MMP16: variants seen among roughly 807,000 people sequenced by gnomAD.
The protein encoded by MMP16 is matrix metallopeptidase 16, also known as matrix metalloproteinase-16.
MMP16 carries 12 observed loss-of-function variants against 67.8 expected under a neutral mutation model. That is an observed-to-expected ratio of 0.18 (90% CI 0.11 to 0.29). The LOEUF (loss-of-function observed/expected upper bound fraction) is 0.29, where lower values mean the gene tolerates loss of function less well. MMP16 is among the 10% of genes least tolerant of loss of function. The pLI, the probability that MMP16 is intolerant of heterozygous loss-of-function variation, is 1.00. For missense variants in MMP16, 475 were observed against 765.7 expected (o/e 0.62, Z 4.48); for synonymous variants, 249 against 255.9 (o/e 0.97, Z 0.26).
In MMP16 at chr8:88,037,994, AC is replaced by A. The variant is rs1808077227; in HGVS notation, c.*3466del. On this transcript the variant is annotated 3_prime_UTR_variant, in exon 10 of 10. Coordinates refer to ENST00000286614, the MANE Select transcript of MMP16 (RefSeq NM_005941.5). ...TTTTATGCCTTGCATATCTCTAGTA[AC>A]ACTGAACTGACACCTTATGTTATTG... 1 of 151,986 alleles carries A rather than the reference AC, an allele frequency of 6.6e-6. No homozygotes were observed. The highest frequency in any genetic ancestry group is 2.4e-5 in the African/African-American group (1 of 41,432). 9.4% of individuals were successfully genotyped at this position (151,986 alleles called of 1,614,324 possible).
chr8:88,069,470 A>T (rs74832191), intron 7 of MMP16: 1 of 531,466 alleles, frequency 1.9e-6, no homozygotes. Flanking sequence ...TCCATTTCCA[A>T]TGGTATTTGT....
At chr8:88,198,177 C>T (rs1012973139) in intron 1 of MMP16, among the ~76,000 whole-genome samples, 22 of 152,096 alleles carry the variant, frequency 1.4e-4, no homozygotes, top group Admixed American at 9.2e-4. Context: ...TGGAAAAAAA[C>T]ATATATCTCC....
At chr8:88,047,248 C>T (rs1808211009) in intron 8 of MMP16, among the ~76,000 whole-genome samples, 1 of 152,066 alleles carries the variant, frequency 6.6e-6, no homozygotes, top group African/African-American at 2.4e-5. Flanking sequence ...TCATTCGGTA[C>T]ATATTTAGTG....
chr8:88,054,997 C>T (rs1295053005), intron 8 of MMP16, among the ~76,000 whole-genome samples: 2 of 151,908 alleles, frequency 1.3e-5, no homozygotes, highest in African/African-American at 2.4e-5. Context: ...CTTAAGTCAT[C>T]CTACAAACAA....
At chr8:88,096,159 A>G (rs902309608) in intron 6 of MMP16, among the ~76,000 whole-genome samples, 6 of 151,924 alleles carry the variant, frequency 3.9e-5, no homozygotes, top group Admixed American at 3.9e-4. Context: ...ATATGATATC[A>G]ACGATGTGAG....
At chr8:88,231,821 T>A (rs1360883382) in intron 1 of MMP16, among the ~76,000 whole-genome samples, 1 of 152,206 alleles carries the variant, frequency 6.6e-6, no homozygotes, top group Non-Finnish European at 1.5e-5. Context: ...GTGACCATTT[T>A]TTAAAAAAGT....
intron 1 of MMP16, among the ~76,000 whole-genome samples, chr8:88,323,080 A>T (rs1186163011): frequency 6.6e-6 from 1 of 152,166 alleles, no homozygotes; most frequent in Non-Finnish European, 1.5e-5. Context: ...AAACTGCTAC[A>T]GTGGAGAATT....
chr8:88,180,325 C>T (rs936695391), intron 3 of MMP16, among the ~76,000 whole-genome samples: 1 of 142,628 alleles, frequency 7.0e-6, no homozygotes, highest in South Asian at 2.3e-4. Context: ...AAAAACAGCA[C>T]AGAGTAAAAA....
intron 1 of MMP16, among the ~76,000 whole-genome samples, chr8:88,299,321 A>G (rs1356374222): frequency 6.6e-6 from 1 of 152,186 alleles, no homozygotes; most frequent in African/African-American, 2.4e-5. Context: ...AAAAGGCAAA[A>G]AAAAGAAAGT....
At chr8:88,209,436 C>T (rs1375712017) in intron 1 of MMP16, among the ~76,000 whole-genome samples, 3 of 152,122 alleles carry the variant, frequency 2.0e-5, no homozygotes, top group African/African-American at 7.2e-5. Flanking sequence ...ATACCTATAA[C>T]ATGCAAATAT....
intron 1 of MMP16, among the ~76,000 whole-genome samples, chr8:88,206,322 G>C (rs754415711): frequency 6.6e-6 from 1 of 151,978 alleles, no homozygotes; most frequent in Non-Finnish European, 1.5e-5. Flanking sequence ...ATGTGGTTTC[G>C]TTATGATGAT....
chr8:88,108,235 AAC>A (rs1809275337), intron 6 of MMP16, among the ~76,000 whole-genome samples: 1 of 151,296 alleles, frequency 6.6e-6, no homozygotes, highest in African/African-American at 2.4e-5. Flanking sequence ...TCACACAATT[AAC>A]ACATAAAAAT....
Position 88,036,698 on chromosome 8 carries a change from GATATTAC to G in MMP16, c.*4756_*4762del, listed in dbSNP as rs1012668108. ...ATATGATTGACTTGACACATTTTGT[GATATTAC>G]ATATTGGCTGAGATTGCTGTAATAG... is the stretch of plus-strand genomic sequence containing the variant. On this transcript the variant is annotated 3_prime_UTR_variant, in exon 10 of 10. Coordinates refer to ENST00000286614, the MANE Select transcript of MMP16 (RefSeq NM_005941.5). 2 of 151,688 alleles carry G rather than the reference GATATTAC, an allele frequency of 1.3e-5. No individual in the cohort carries two copies. Among genetic ancestry groups the G allele is most frequent in the African/African-American group, 4.8e-5 (2 of 41,362 alleles). The allele number at this position is 151,688 out of a possible 1,614,324, so 9.4% of individuals were successfully genotyped here. A position where few individuals can be genotyped will look rare whatever the true frequency, so the allele number is the denominator to read the frequency against.
At chr8:88,324,810 C>T (rs1291727392) in intron 1 of MMP16, among the ~76,000 whole-genome samples, 1 of 151,996 alleles carries the variant, frequency 6.6e-6, no homozygotes, top group Non-Finnish European at 1.5e-5. Flanking sequence ...AACATCCCGT[C>T]ATTCTGTGTT....
In MMP16 at chr8:88,167,842, T is replaced by C. The variant is rs749353622; in HGVS notation, c.536A>G (p.Lys179Arg). The change falls in exon 4 of 10, where the codon AAA (lysine) becomes AGA (arginine). Residue 179 changes from lysine (K) to arginine (R), a missense_variant. Physicochemically the swap from Lys to Arg is conservative, Grantham distance 26. Around this residue, in one of 5 missense-constraint regions of MMP16, gnomAD observed 170 missense variants for 239.6 expected, o/e 0.71. Coordinates refer to ENST00000286614, the MANE Select transcript of MMP16 (RefSeq NM_005941.5). ...AATAATGGTTATATCCACATCACGT[T>C]TGCCATTTTCTAATTCACTGTAGGG... ...EVPYSELENG[K>R]RDVDITIIFA... 6.2e-7 allele frequency: 1 copy of C among 1,613,988 alleles called. No homozygotes were observed. Among genetic ancestry groups the C allele is most frequent in the Non-Finnish European group, 8.5e-7 (1 of 1,179,960 alleles).
At chr8:88,281,359 A>C (rs939882372) in intron 1 of MMP16, among the ~76,000 whole-genome samples, 15 of 152,220 alleles carry the variant, frequency 9.9e-5, no homozygotes, top group Non-Finnish European at 1.9e-4. Context: ...AGAGCTCCCA[A>C]GGGGAAGAAA....
chr8:88,228,325 GAATT>G (rs1358549839), intron 1 of MMP16, among the ~76,000 whole-genome samples: 2 of 151,980 alleles, frequency 1.3e-5, no homozygotes, highest in African/African-American at 4.8e-5. Context: ...TTTTCATGAA[GAATT>G]ATTTTTAACA....
intron 1 of MMP16, among the ~76,000 whole-genome samples, chr8:88,297,053 A>T (rs1004675590): frequency 5.9e-5 from 9 of 152,214 alleles, no homozygotes; most frequent in African/African-American, 1.9e-4. Context: ...TTATTCAAAC[A>T]TGAACTTCCA....
intron 4 of MMP16, among the ~76,000 whole-genome samples, chr8:88,137,857 T>C (rs1808146930): frequency 6.6e-6 from 1 of 152,010 alleles, no homozygotes; most frequent in Non-Finnish European, 1.5e-5. Flanking sequence ...TAGACACTAG[T>C]CTCTTTCAAT....
Sources: gnomAD v4.1 joint callset for allele counts (sites outside exome capture counted in the v4.1 genomes callset) on GRCh38, gnomAD v4.1.1 for gene constraint, gnomAD v4.1.1 regional missense constraint, MANE v1.5 for transcripts, NCBI Gene and HGNC (gene_info 2026-07-23, HGNC 2026-07-21) for gene names.